Variants in DAPK1 observed in about 807,000 individuals in gnomAD.
DAPK1 encodes the protein death-associated protein kinase 1.
In DAPK1, 56 loss-of-function variants were observed where a neutral mutation model predicts 144.9. The observed-to-expected ratio is 0.39, with a 90% CI of 0.31 to 0.48. The LOEUF (loss-of-function observed/expected upper bound fraction) is 0.48, where lower values mean the gene tolerates loss of function less well. Ranked by LOEUF, DAPK1 falls within the 20% of genes least tolerant of loss-of-function variation. DAPK1 has a pLI of 0.95. For synonymous variants in DAPK1, 690 were observed against 749.0 expected (o/e 0.92, Z 1.29); for missense variants, 1,454 against 1,875.4 (o/e 0.78, Z 4.15).
intron 10 of DAPK1, among the ~76,000 whole-genome samples, chr9:87,642,333 T>A (rs983666289): frequency 6.6e-6 from 1 of 152,214 alleles, no homozygotes; most frequent in Admixed American, 6.5e-5. Context: ...TGTAAAATTA[T>A]AGTGAAATTT....
intron 1 of DAPK1, chr9:87,498,704 G>C (rs910663946): frequency 2.5e-6 from 1 of 406,140 alleles, no homozygotes. Flanking sequence ...TTCCGGAGCC[G>C]GTTCTGATCC....
chr9:87,645,525 A>G (rs1042311039), intron 11 of DAPK1, among the ~76,000 whole-genome samples: 1 of 152,198 alleles, frequency 6.6e-6, no homozygotes, highest in Non-Finnish European at 1.5e-5. Flanking sequence ...CTTATCCAGG[A>G]AGAGAGTCTG....
At chr9:87,666,868 T>C (rs1831077144) in intron 18 of DAPK1, among the ~76,000 whole-genome samples, 2 of 152,198 alleles carry the variant, frequency 1.3e-5, no homozygotes, top group Admixed American at 1.3e-4. Flanking sequence ...GCCTGTGTTT[T>C]GTGCGCGTCT....
intron 1 of DAPK1, chr9:87,498,580 C>T (rs1824272119): frequency 3.7e-6 from 1 of 267,328 alleles, no homozygotes; most frequent in Non-Finnish European, 7.0e-6. Context: ...GAGATTGCTC[C>T]CAGTGAGGCG....
chr9:87,608,428 A>G (rs1267672473), intron 3 of DAPK1, among the ~76,000 whole-genome samples: 1 of 152,216 alleles, frequency 6.6e-6, no homozygotes, highest in African/African-American at 2.4e-5. Flanking sequence ...TAAAACTGCT[A>G]CAAACATTCC....
chr9:87,539,669 C>G (rs999306924), intron 2 of DAPK1, among the ~76,000 whole-genome samples: 1 of 151,994 alleles, frequency 6.6e-6, no homozygotes, highest in Non-Finnish European at 1.5e-5. Flanking sequence ...CTGCCCACCT[C>G]GGTCTCCCAA....
At chr9:87,553,470 T>A (rs1323931949) in intron 2 of DAPK1, 2 of 150,714 alleles carry the variant, frequency 1.3e-5, no homozygotes, top group Non-Finnish European at 2.9e-5. Flanking sequence ...GGGTGCTCAA[T>A]ATTTATTTTC....
chr9:87,510,533 C>T (rs534933411), intron 2 of DAPK1, among the ~76,000 whole-genome samples: 4 of 152,180 alleles, frequency 2.6e-5, no homozygotes, highest in African/African-American at 4.8e-5. Context: ...TATTCCTTCA[C>T]GATTTGGAGT....
chr9:87,514,927 TTC>T (rs746582625), intron 2 of DAPK1, among the ~76,000 whole-genome samples: 5 of 152,352 alleles, frequency 3.3e-5, no homozygotes, highest in African/African-American at 4.8e-5. Flanking sequence ...TTTCTCTGTT[TTC>T]TCTGTTTTTG....
At chr9:87,690,241 G>A (rs1825009678) in intron 21 of DAPK1, among the ~76,000 whole-genome samples, 3 of 152,002 alleles carry the variant, frequency 2.0e-5, no homozygotes, top group Admixed American at 6.6e-5. Flanking sequence ...ATTTATTCCT[G>A]AGTATTTTAT....
At chr9:87,642,947 A>G (rs1830144137) in intron 10 of DAPK1, among the ~76,000 whole-genome samples, 3 of 152,158 alleles carry the variant, frequency 2.0e-5, no homozygotes, top group Non-Finnish European at 2.9e-5. Flanking sequence ...TTTGGTTATC[A>G]CATTGTCTAC....
At chr9:87,694,922 A>G (rs1471098437) in intron 21 of DAPK1, among the ~76,000 whole-genome samples, 1 of 152,318 alleles carries the variant, frequency 6.6e-6, no homozygotes, top group Non-Finnish European at 1.5e-5. Flanking sequence ...CAATACTGTC[A>G]TGCAGTCTCC....
intron 2 of DAPK1, among the ~76,000 whole-genome samples, chr9:87,505,569 G>T (rs1364042639): frequency 6.6e-6 from 1 of 151,964 alleles, no homozygotes; most frequent in Non-Finnish European, 1.5e-5. Context: ...CTTATTTTTT[G>T]TATTTTTAGT....
intron 3 of DAPK1, chr9:87,633,249 A>C (rs1829776492): frequency 1.0e-6 from 1 of 984,652 alleles, no homozygotes; most frequent in African/African-American, 1.8e-5. Flanking sequence ...ATGAGTCCAT[A>C]TGTAGAAATG....
chr9:87,551,021 G>C (rs1478784045), intron 2 of DAPK1, among the ~76,000 whole-genome samples: 1 of 152,216 alleles, frequency 6.6e-6, no homozygotes, highest in Non-Finnish European at 1.5e-5. Flanking sequence ...AAGCTGTTGG[G>C]TCCCCCCACC....
intron 2 of DAPK1, among the ~76,000 whole-genome samples, chr9:87,531,882 T>C (rs1825711393): frequency 6.6e-6 from 1 of 152,174 alleles, no homozygotes; most frequent in African/African-American, 2.4e-5. Flanking sequence ...TATTGTGCAG[T>C]AGTTTTCCCT....
chr9:87,604,925 A>G, intron 2 of DAPK1, 29 bp from the exon 3 acceptor site: 4 of 1,604,502 alleles, frequency 2.5e-6, no homozygotes, highest in Non-Finnish European at 3.4e-6. Flanking sequence ...TTTATGAACG[A>G]TAAAGAATCC....
At position 87,582,594 on chromosome 9, in the gene DAPK1, T is replaced by TC. The variant is rs1313971163; in HGVS notation, c.63-22357dup. Among the ~76,000 whole-genome samples the TC allele has an allele frequency of 2.0e-5, 3 of 151,638 alleles. No individual in the cohort carries two copies. The East Asian group carries it at 5.8e-4, about 29-fold the overall frequency. On this transcript the variant is annotated intron_variant, in intron 2 of 25. Coordinates refer to ENST00000408954, the MANE Select transcript of DAPK1 (RefSeq NM_004938.4). ...TTTTGAGATGGAATCTTGCTCTGTT[T>TC]CCCAGGCTGTAGTGCACTGGTGCTA...
Position 87,643,476 on chromosome 9 carries a change from A to G in DAPK1, c.1011+8A>G. 1 of 1,563,352 alleles carries G rather than the reference A, an allele frequency of 6.4e-7. No individual in the cohort carries two copies. Among genetic ancestry groups the G allele is most frequent in the Non-Finnish European group, 8.7e-7 (1 of 1,144,886 alleles). The stretch of plus-strand genomic sequence containing the variant: ...AGAAGCGATGATACTCTGGTAAGCA[A>G]ACCCGTGAGCCCTGGTGCTCCTTTC... On this transcript the variant is annotated splice_region_variant and intron_variant, in intron 11 of 25. Transcript: ENST00000408954.
Sources: gnomAD v4.1 joint callset for allele counts (sites outside exome capture counted in the v4.1 genomes callset) on GRCh38, gnomAD v4.1.1 for gene constraint, MANE v1.5 for transcripts, NCBI Gene and HGNC (gene_info 2026-07-23, HGNC 2026-07-21) for gene names.